The following USP8 variants were observed in gnomAD, a reference collection of about 807,000 sequenced individuals.
USP8 encodes the protein ubiquitin specific peptidase 8, also known as ubiquitin carboxyl-terminal hydrolase 8.
A neutral mutation model predicts 130.0 loss-of-function variants in USP8; 27 were observed. The ratio of observed to expected loss-of-function variants is 0.21; its 90% CI spans 0.15 to 0.29. The LOEUF is 0.29. Ranked by LOEUF, USP8 falls within the 10% of genes least tolerant of loss-of-function variation. USP8 has a pLI of 1.00. For synonymous variants in USP8, 392 were observed against 444.1 expected (o/e 0.88, Z 1.48); for missense variants, 1,029 against 1,312.2 (o/e 0.78, Z 3.33).
In USP8 at chr15:50,513,769, A is replaced by C. The variant is rs1429528356; in HGVS notation, c.*14681A>C. On this transcript the variant is annotated 3_prime_UTR_variant, in exon 20 of 20. Transcript: ENST00000307179. ...AAAACAAAACGAACAAAAGACTACCAAGTGTTAACAAGGATTTAAGGCAAC... is the reference window on the plus strand; with the variant it reads ...AAAACAAAACGAACAAAAGACTACCCAGTGTTAACAAGGATTTAAGGCAAC... 1 of 152,198 alleles carries C rather than the reference A, an allele frequency of 6.6e-6. No homozygotes were observed. The highest frequency in any genetic ancestry group is 1.9e-4 in the East Asian group (1 of 5,202). 9.4% of individuals were successfully genotyped at this position (152,198 alleles called of 1,614,324 possible).
intron 1 of USP8, among the ~76,000 whole-genome samples, 176 bp from the exon 2 acceptor site, chr15:50,438,833 T>G (rs2050161761): frequency 6.6e-6 from 1 of 152,152 alleles, no homozygotes; most frequent in Non-Finnish European, 1.5e-5. Flanking sequence ...TTGAAAAAAA[T>G]TATTACATTC....
intron 14 of USP8, 86 bp from the exon 15 acceptor site, chr15:50,492,615 C>G: frequency 2.2e-6 from 3 of 1,347,494 alleles, no homozygotes; most frequent in East Asian, 2.3e-5. Context: ...GGTACAGGTG[C>G]TACAGTTTGC....
At chr15:50,456,489 G>T (rs1457920049) in intron 4 of USP8, among the ~76,000 whole-genome samples, 1 of 151,232 alleles carries the variant, frequency 6.6e-6, no homozygotes, top group South Asian at 2.1e-4. Flanking sequence ...AAGGAGAAAC[G>T]CTTGAACCTG....
At position 50,506,715 on chromosome 15, in the gene USP8, T is replaced by G. The variant is rs1455716588; in HGVS notation, c.*7627T>G. 1 of 152,048 alleles carries G rather than the reference T, an allele frequency of 6.6e-6. No individual in the cohort carries two copies. Among genetic ancestry groups the G allele is most frequent in the Non-Finnish European group, 1.5e-5 (1 of 68,034 alleles). The allele number at this position is 152,048 out of a possible 1,614,324, so 9.4% of individuals were successfully genotyped here. ...TGGCTCACGTCTATAATCTCAGCAC[T>G]TGGGGAGGCCGAGGGGGGCGGATCA... On this transcript the variant is annotated 3_prime_UTR_variant, in exon 20 of 20. Coordinates refer to ENST00000307179, the MANE Select transcript of USP8 (RefSeq NM_005154.5).
chr15:50,488,117 TC>T (rs2052026953), intron 12 of USP8, among the ~76,000 whole-genome samples: 1 of 152,214 alleles, frequency 6.6e-6, no homozygotes, highest in African/African-American at 2.4e-5. Flanking sequence ...TTTGTGGAAG[TC>T]CATTCTGTCA....
chr15:50,504,558 A>G lies in USP8; in HGVS notation c.*5470A>G, dbSNP rs903677187. On this transcript the variant is annotated 3_prime_UTR_variant, in exon 20 of 20. Transcript: ENST00000307179. ...AACAAAAAACACCAGAAAAGACACCATTTTATATAGGGCCCTTGAGCATCT... is the reference window on the plus strand; with the variant it reads ...AACAAAAAACACCAGAAAAGACACCGTTTTATATAGGGCCCTTGAGCATCT... The G allele has an allele frequency of 6.6e-6, 1 of 152,188 alleles. No individual in the cohort carries two copies. The highest frequency in any genetic ancestry group is 1.5e-5 in the Non-Finnish European group (1 of 68,088). The allele number at this position is 152,188 out of a possible 1,614,324, so 9.4% of individuals were successfully genotyped here.
At chr15:50,433,737 C>A (rs1240593969) in intron 1 of USP8, among the ~76,000 whole-genome samples, 1 of 152,252 alleles carries the variant, frequency 6.6e-6, no homozygotes, top group African/African-American at 2.4e-5. Context: ...TCCTGAGTAG[C>A]TGGGACTACA....
rs987989664 is a variant in USP8, at chr15:50,452,182, G to A, written c.335+2697G>A. On this transcript the variant is annotated intron_variant, in intron 4 of 19. Coordinates refer to ENST00000307179, the MANE Select transcript of USP8 (RefSeq NM_005154.5). Reference sequence around the variant, plus strand: ...TGTTAAGCATTTATTTGCCTGTCCCGTTTCTTATTATTATCTTTTTTCATG... The same window carrying A: ...TGTTAAGCATTTATTTGCCTGTCCCATTTCTTATTATTATCTTTTTTCATG... 2.6e-5 allele frequency among the ~76,000 whole-genome samples: 4 copies of A among 152,150 alleles called. No homozygotes were observed. The East Asian group carries it at 5.8e-4, about 22-fold the overall frequency.
At chr15:50,474,697 A>G (rs1427760606) in intron 8 of USP8, among the ~76,000 whole-genome samples, 3 of 152,256 alleles carry the variant, frequency 2.0e-5, no homozygotes, top group African/African-American at 7.2e-5. Context: ...AGACCAAGCT[A>G]CATCTCAAAT....
In USP8 at chr15:50,509,243, G is replaced by C. The variant is rs2141349627; in HGVS notation, c.*10155G>C. 1 of 152,500 alleles carries C rather than the reference G, an allele frequency of 6.6e-6. No individual in the cohort carries two copies. The highest frequency in any genetic ancestry group is 3.4e-3 in the Middle Eastern group (1 of 298). 9.4% of individuals were successfully genotyped at this position (152,500 alleles called of 1,614,324 possible). A position where few individuals can be genotyped will look rare whatever the true frequency, so the allele number is the denominator to read the frequency against. On this transcript the variant is annotated 3_prime_UTR_variant, in exon 20 of 20. Coordinates refer to ENST00000307179, the MANE Select transcript of USP8 (RefSeq NM_005154.5). ...GAGGTGGGAGGATGGCTCGAGCCTG[G>C]GAGGCAGAGGTTGCAGTGAGCCAAG...
intron 7 of USP8, among the ~76,000 whole-genome samples, chr15:50,468,705 C>T (rs978293343): frequency 2.0e-5 from 3 of 152,096 alleles, no homozygotes; most frequent in Non-Finnish European, 4.4e-5. Context: ...CCTCCTCTTA[C>T]ACTCCCCCCT....
chr15:50,481,933 T>G lies in USP8; in HGVS notation c.1671T>G (p.Ser557Arg), dbSNP rs757260416. The G allele has an allele frequency of 6.2e-7, 1 of 1,608,012 alleles. No homozygotes were observed. Among genetic ancestry groups the G allele is most frequent in the Non-Finnish European group, 8.5e-7 (1 of 1,178,478 alleles). ...EITGVKRQSK[S>R]EHETSDAKKS... The stretch of plus-strand genomic sequence containing the variant: ...CAGGAGTAAAAAGACAAAGTAAAAG[T>G]GAACATGAAACTTCTGATGCCAAGA... The change falls in exon 11 of 20, where the codon AGT (serine) becomes AGG (arginine). Residue 557 changes from serine to arginine, a missense_variant. Transcript: ENST00000307179.
Position 50,492,858 on chromosome 15 carries a change from G to A in USP8, c.2392G>A (p.Ala798Thr), listed in dbSNP as rs777805887. The A allele has an allele frequency of 9.3e-6, 15 of 1,612,730 alleles. No homozygotes were observed. In the Admixed American group the frequency reaches 1.2e-4, roughly 13 times the overall value. Residue 798 changes from alanine (A) to threonine (T), a missense_variant, in exon 15 of 20, where the codon GCT becomes ACT. Ala to Thr is a moderately conservative substitution (Grantham distance 58). Transcript: ENST00000307179. ...CTCAATATTGCAGTGCCTATGTAACGCTCCACATTTGGCTGATTATTTCAA... is the reference window on the plus strand; with the variant it reads ...CTCAATATTGCAGTGCCTATGTAACACTCCACATTTGGCTGATTATTTCAA... ...MNSILQCLCN[A>T]PHLADYFNRN...
chr15:50,424,686 A>T (rs2049643311), intron 1 of USP8, 172 bp downstream of exon 1: 3 of 394,102 alleles, frequency 7.6e-6, no homozygotes, highest in Non-Finnish European at 1.3e-5. Flanking sequence ...GAAAGGCCCA[A>T]CCTTGAGTCT....
intron 2 of USP8, among the ~76,000 whole-genome samples, chr15:50,439,776 G>A (rs1013621054): frequency 1.4e-5 from 2 of 143,224 alleles, no homozygotes; most frequent in African/African-American, 5.2e-5. Context: ...GGCAATAAGA[G>A]CGAAACTCTG....
intron 3 of USP8, among the ~76,000 whole-genome samples, chr15:50,446,622 G>A (rs1327795682): frequency 6.6e-6 from 1 of 152,168 alleles, no homozygotes; most frequent in Non-Finnish European, 1.5e-5. Flanking sequence ...TTATTGTAAT[G>A]TTCAATTGAT....
rs143845186 is a variant in USP8 at position 50,504,514 on chromosome 15, C to T, written c.*5426C>T. 6.6e-6 allele frequency: 1 copy of T among 152,294 alleles called. No individual in the cohort carries two copies. The highest frequency in any genetic ancestry group is 1.9e-4 in the East Asian group (1 of 5,190). 9.4% of individuals were successfully genotyped at this position (152,294 alleles called of 1,614,324 possible). A position where few individuals can be genotyped will look rare whatever the true frequency, so the allele number is the denominator to read the frequency against. On this transcript the variant is annotated 3_prime_UTR_variant, in exon 20 of 20. Transcript: ENST00000307179. Reference sequence around the variant, plus strand: ...TCTCCAGCCTGGCAACAGAATGAGACCTTGTCTCAAAAAACAAAAACAAAA... The same window carrying T: ...TCTCCAGCCTGGCAACAGAATGAGATCTTGTCTCAAAAAACAAAAACAAAA...
Position 50,502,015 on chromosome 15 carries a change from T to G in USP8, c.*2927T>G, listed in dbSNP as rs1217821752. 1 of 152,232 alleles carries G rather than the reference T, an allele frequency of 6.6e-6. No homozygotes were observed. The allele number at this position is 152,232 out of a possible 1,614,324, so 9.4% of individuals were successfully genotyped here. A position where few individuals can be genotyped will look rare whatever the true frequency, so the allele number is the denominator to read the frequency against. ...CTGAATAGTTGCAGCCAATACCATA[T>G]GGCTTATGAGGCCTAAAATATTTAC... On this transcript the variant is annotated 3_prime_UTR_variant, in exon 20 of 20. Transcript: ENST00000307179.
chr15:50,497,724 G>A (rs2052472178), intron 18 of USP8: 1 of 152,136 alleles, frequency 6.6e-6, no homozygotes, highest in Admixed American at 6.5e-5. Flanking sequence ...AATGACAAGA[G>A]TTATAAAACA....
Sources: gnomAD v4.1 joint callset for allele counts (sites outside exome capture counted in the v4.1 genomes callset) on GRCh38, gnomAD v4.1.1 for gene constraint, MANE v1.5 for transcripts, NCBI Gene and HGNC (gene_info 2026-07-23, HGNC 2026-07-21) for gene names.